TIMELESS: variants seen among roughly 807,000 people sequenced by gnomAD.
The protein encoded by TIMELESS is protein timeless homolog.
TIMELESS carries 124 observed loss-of-function variants against 164.3 expected under a neutral mutation model. The ratio of observed to expected loss-of-function variants is 0.75; its 90% CI spans 0.65 to 0.88. The LOEUF (loss-of-function observed/expected upper bound fraction) is 0.88. Ranked by LOEUF, TIMELESS falls within the 40% of genes least tolerant of loss-of-function variation. The pLI, the probability that TIMELESS is intolerant of heterozygous loss-of-function variation, is 0.00. For synonymous variants in TIMELESS, 564 were observed against 563.4 expected (o/e 1.00, Z -0.02); for missense variants, 1,422 against 1,491.4 (o/e 0.95, Z 0.77).
At chr12:56,439,287 T>C (rs1468808332) in intron 1 of TIMELESS, among the ~76,000 whole-genome samples, 2 of 151,456 alleles carry the variant, frequency 1.3e-5, no homozygotes, top group African/African-American at 4.8e-5. Flanking sequence ...ATGGGCACAG[T>C]GGCTCACGCC....
chr12:56,437,606 T>C (rs1467924473), intron 1 of TIMELESS, among the ~76,000 whole-genome samples: 1 of 151,504 alleles, frequency 6.6e-6, no homozygotes, highest in East Asian at 1.9e-4. Context: ...AGAAGCAAGG[T>C]GAAGGGGTAG....
chr12:56,418,500 A>G (rs1314990350), intron 26 of TIMELESS, 141 bp from the exon 27 acceptor site: 2 of 618,504 alleles, frequency 3.2e-6, no homozygotes, highest in Admixed American at 5.9e-5. Flanking sequence ...CTTACTATCT[A>G]ATATATACCC....
At position 56,428,664 on chromosome 12, in the gene TIMELESS, C is replaced by T. The variant is rs375365818; in HGVS notation, c.1305-12G>A. On this transcript the variant is annotated splice_polypyrimidine_tract_variant and intron_variant, in intron 11 of 28. Coordinates refer to ENST00000553532, the MANE Select transcript of TIMELESS (RefSeq NM_003920.5). ...GAGCCAAGTGCATCCTGAGAGTTGA[C>T]GGGAAACGGTGAAATGGAGGACAGC... 25 of 1,610,244 alleles carry T rather than the reference C, an allele frequency of 1.6e-5. 1 individual carries two copies. Among genetic ancestry groups the T allele is most frequent in the African/African-American group, 5.4e-5 (4 of 74,704 alleles).
chr12:56,447,182 GTT>G (rs144004569), intron 1 of TIMELESS, among the ~76,000 whole-genome samples: 14,494 of 88,220 alleles, frequency 0.16, 738 homozygotes, highest in East Asian at 0.29. Context: ...GCTAATTTTT[GTT>G]TTTTTTTTTT....
Position 56,422,911 on chromosome 12 carries a change from A to G in TIMELESS, c.2374T>C (p.Leu792=), listed in dbSNP as rs1333612518. ...ACCACAGCTGTGTTCTTCCAGAACAACAGCTCCACAAAGGCTTTTTGGTTG... is the reference window on the plus strand; with the variant it reads ...ACCACAGCTGTGTTCTTCCAGAACAGCAGCTCCACAAAGGCTTTTTGGTTG... The part of the protein sequence containing the change: ...AVNQKAFVEL[L]FWKNTAVVRE... Residue 792 remains leucine (L), a synonymous_variant, in exon 19 of 29, where the codon TTG becomes CTG. Coordinates refer to ENST00000553532, the MANE Select transcript of TIMELESS (RefSeq NM_003920.5). 2 of 1,613,680 alleles carry G rather than the reference A, an allele frequency of 1.2e-6. No homozygotes were observed. The highest frequency in any genetic ancestry group is 2.7e-5 in the African/African-American group (2 of 74,910).
At chr12:56,429,154 T>A in intron 10 of TIMELESS, 54 bp from the exon 11 acceptor site, 2 of 1,493,178 alleles carry the variant, frequency 1.3e-6, no homozygotes, top group Non-Finnish European at 9.1e-7. Context: ...GCTTCCAACT[T>A]CTTCCTTCCT....
intron 6 of TIMELESS, among the ~76,000 whole-genome samples, chr12:56,432,758 C>A (rs145014114): frequency 6.7e-6 from 1 of 150,010 alleles, no homozygotes; most frequent in African/African-American, 2.5e-5. Context: ...TCTTAGCTAA[C>A]ATGGTGAAAC....
intron 1 of TIMELESS, among the ~76,000 whole-genome samples, chr12:56,447,175 AATTTTTGT>A (rs1868366263): frequency 9.2e-6 from 1 of 108,944 alleles, no homozygotes; most frequent in African/African-American, 3.6e-5. Context: ...ATACCCAGCT[AATTTTTGT>A]TTTTTTTTTT....
At chr12:56,420,720 T>TA in intron 25 of TIMELESS, 33 bp from the exon 26 acceptor site, 1 of 1,613,596 alleles carries the variant, frequency 6.2e-7, no homozygotes, top group South Asian at 1.1e-5. Context: ...ATGGTGAAGA[T>TA]ATAAGGGAAG....
At chr12:56,426,647 C>T (rs1053355857) in intron 13 of TIMELESS, among the ~76,000 whole-genome samples, 1 of 152,074 alleles carries the variant, frequency 6.6e-6, no homozygotes, top group Non-Finnish European at 1.5e-5. Flanking sequence ...GCAACCTCCG[C>T]CTCCCGGGTT....
At chr12:56,436,930 ATT>A (rs879488638) in intron 1 of TIMELESS, among the ~76,000 whole-genome samples, 7 of 143,246 alleles carry the variant, frequency 4.9e-5, no homozygotes, top group Non-Finnish European at 4.6e-5. Context: ...CGAGCATGCA[ATT>A]TTTTTTTTTT....
chr12:56,421,913 G>C lies in TIMELESS; in HGVS notation c.2628C>G (p.Val876=). Residue 876 remains valine (V), a synonymous_variant, in exon 21 of 29, where the codon GTC becomes GTG. Coordinates refer to ENST00000553532, the MANE Select transcript of TIMELESS (RefSeq NM_003920.5). ...HLVQMGLADS[V]KDFQRKGTHI... is the part of the protein sequence containing the mutation. ...TGCCTCTCTACCTTTGGAAGTCCTTGACACTGTCAGCCAGTCCCATCTGTA... is the reference window on the plus strand; with the variant it reads ...TGCCTCTCTACCTTTGGAAGTCCTTCACACTGTCAGCCAGTCCCATCTGTA... 1 of 1,614,140 alleles carries C rather than the reference G, an allele frequency of 6.2e-7. No homozygotes were observed. The highest frequency in any genetic ancestry group is 8.5e-7 in the Non-Finnish European group (1 of 1,180,022).
In TIMELESS at chr12:56,420,584, G is replaced by C. The variant is rs1881433928; in HGVS notation, c.3213C>G (p.Pro1071=). 6 of 1,614,164 alleles carry C rather than the reference G, an allele frequency of 3.7e-6. No individual in the cohort carries two copies. In the East Asian group the frequency reaches 1.3e-4, roughly 36 times the overall value. The change falls in exon 26 of 29, where the codon CCC becomes CCG. Residue 1071 remains proline, a synonymous_variant. Coordinates refer to ENST00000553532, the MANE Select transcript of TIMELESS (RefSeq NM_003920.5). ...ACATATTTACCTGCCCAGAGGCAGG[G>C]GGCCGAACCCCTAGCTTGCGCAACA... The part of the protein sequence containing the change: ...QQLLRKLGVR[P]PASGQETFWR...
Position 56,421,448 on chromosome 12 carries a change from C to CGA in TIMELESS, c.2770_2771insTC (p.Arg924LeufsTer5), listed in dbSNP as rs1565679457. The CGA allele has an allele frequency of 6.2e-7, 1 of 1,614,010 alleles. No individual in the cohort carries two copies. The highest frequency in any genetic ancestry group is 8.5e-7 in the Non-Finnish European group (1 of 1,179,982). ...CAAGAGTTTATCCACTATTCGGGCC[C>CGA]GTGAGCGTTTGGCTGTGATATTCTT... On this transcript the variant is annotated frameshift_variant, in exon 23 of 29. Coordinates refer to ENST00000553532, the MANE Select transcript of TIMELESS (RefSeq NM_003920.5). LOFTEE classifies it high-confidence loss of function.
intron 19 of TIMELESS, 97 bp downstream of exon 19, chr12:56,422,750 G>A (rs1173154105): frequency 2.2e-6 from 3 of 1,337,288 alleles, no homozygotes; most frequent in East Asian, 2.3e-5. Flanking sequence ...GAAACAGTGG[G>A]CTAAATGACA....
intron 1 of TIMELESS, among the ~76,000 whole-genome samples, chr12:56,441,700 T>C (rs1592257191): frequency 7.1e-6 from 1 of 141,264 alleles, no homozygotes; most frequent in Non-Finnish European, 1.5e-5. Context: ...TCTGTCAGAC[T>C]CTATAGTCAG....
Position 56,428,889 on chromosome 12 carries a change from G to A in TIMELESS, c.1298C>T (p.Ala433Val). The A allele has an allele frequency of 6.2e-7, 1 of 1,613,572 alleles. No homozygotes were observed. Among genetic ancestry groups the A allele is most frequent in the Non-Finnish European group, 8.5e-7 (1 of 1,179,968 alleles). The change falls in exon 11 of 29, where the codon GCA (alanine) becomes GTA (valine). Residue 433 changes from alanine to valine, a missense_variant. By Grantham distance (64) the Ala-to-Val change is moderately conservative. Coordinates refer to ENST00000553532, the MANE Select transcript of TIMELESS (RefSeq NM_003920.5). ...LTDRKEAASW[A>V]RRMHLALKAY... ...CAGTAACCATCCCACTCACCGGCGTGCCCAGGAGGCAGCTTCCTTGCGGTC... is the reference window on the plus strand; with the variant it reads ...CAGTAACCATCCCACTCACCGGCGTACCCAGGAGGCAGCTTCCTTGCGGTC...
intron 7 of TIMELESS, among the ~76,000 whole-genome samples, chr12:56,432,012 C>T (rs1022377936): frequency 9.9e-5 from 15 of 151,928 alleles, no homozygotes; most frequent in African/African-American, 3.6e-4. Context: ...ACATGACTAA[C>T]AGGCGGGTAT....
At position 56,427,413 on chromosome 12, in the gene TIMELESS, G is replaced by A. The variant is rs554659924; in HGVS notation, c.1578+823C>T. On this transcript the variant is annotated intron_variant, in intron 13 of 28. Transcript: ENST00000553532. ...GCTGGGATTACAGGCATGAGCCACTGTGCCCAGCCTGTCCTAGGCTTTTCA... is the reference window on the plus strand; with the variant it reads ...GCTGGGATTACAGGCATGAGCCACTATGCCCAGCCTGTCCTAGGCTTTTCA... 2.0e-5 allele frequency among the ~76,000 whole-genome samples: 3 copies of A among 152,274 alleles called. No homozygotes were observed. The East Asian group carries it at 5.8e-4, about 29-fold the overall frequency.
Sources: gnomAD v4.1 joint callset for allele counts (sites outside exome capture counted in the v4.1 genomes callset) on GRCh38, gnomAD v4.1.1 for gene constraint, MANE v1.5 for transcripts, NCBI Gene and HGNC (gene_info 2026-07-23, HGNC 2026-07-21) for gene names.